SEPTIN9: variants seen among roughly 807,000 people sequenced by gnomAD.
The protein encoded by SEPTIN9 is septin 9.
In SEPTIN9, 13 loss-of-function variants were observed where a neutral mutation model predicts 56.6. That is an observed-to-expected ratio of 0.23 (90% CI 0.15 to 0.37). The LOEUF (loss-of-function observed/expected upper bound fraction) is 0.37, where lower values mean the gene tolerates loss of function less well. Among genes scored for constraint, SEPTIN9 ranks in the 10% least tolerant of loss-of-function variants. The probability of loss-of-function intolerance (pLI) is 1.00; values close to 1 mark genes in which losing one functional copy is unlikely to be tolerated. For synonymous variants in SEPTIN9, 332 were observed against 334.1 expected (o/e 0.99, Z 0.07); for missense variants, 650 against 823.1 (o/e 0.79, Z 2.57).
intron 2 of SEPTIN9, among the ~76,000 whole-genome samples, chr17:77,307,795 G>A (rs1281536389): frequency 1.3e-5 from 2 of 152,230 alleles, no homozygotes; most frequent in African/African-American, 4.8e-5. Context: ...CAGGACACGA[G>A]TTACAGCTTA....
At chr17:77,420,683 C>G (rs947837322) in intron 3 of SEPTIN9, among the ~76,000 whole-genome samples, 1 of 152,180 alleles carries the variant, frequency 6.6e-6, no homozygotes, top group South Asian at 2.1e-4. Context: ...GTCTCCCACC[C>G]TCTCCCCTGC....
At chr17:77,411,307 A>G (rs187024483) in intron 3 of SEPTIN9, among the ~76,000 whole-genome samples, 18 of 152,320 alleles carry the variant, frequency 1.2e-4, no homozygotes, top group Non-Finnish European at 7.3e-5. Context: ...AAGAACACAA[A>G]GGAAATCAGA....
At chr17:77,458,940 G>T (rs1219322935) in intron 3 of SEPTIN9, among the ~76,000 whole-genome samples, 1 of 152,252 alleles carries the variant, frequency 6.6e-6, no homozygotes, top group East Asian at 1.9e-4. Flanking sequence ...GGAGAGATGG[G>T]AGTGAGAAAA....
intron 1 of SEPTIN9, among the ~76,000 whole-genome samples, chr17:77,306,238 G>T (rs1358431394): frequency 1.3e-5 from 2 of 152,138 alleles, no homozygotes; most frequent in Non-Finnish European, 2.9e-5. Flanking sequence ...GAGGTGTCTG[G>T]GTCTGCCTGA....
At chr17:77,290,915 T>C (rs921226136) in intron 1 of SEPTIN9, among the ~76,000 whole-genome samples, 1 of 151,368 alleles carries the variant, frequency 6.6e-6, no homozygotes, top group Non-Finnish European at 1.5e-5. Context: ...TTGCCCAGGT[T>C]GGAGTGCAGT....
chr17:77,443,430 C>T (rs1002228228), intron 3 of SEPTIN9, among the ~76,000 whole-genome samples: 6 of 152,266 alleles, frequency 3.9e-5, no homozygotes, highest in African/African-American at 1.4e-4. Context: ...TAATAAGTCA[C>T]ATTTTAAGTT....
At chr17:77,289,597 G>A (rs1052895451) in intron 1 of SEPTIN9, among the ~76,000 whole-genome samples, 8 of 151,290 alleles carry the variant, frequency 5.3e-5, no homozygotes, top group Middle Eastern at 3.2e-3. Flanking sequence ...TAGTACAGAC[G>A]GGGTGTCCCC....
intron 2 of SEPTIN9, among the ~76,000 whole-genome samples, chr17:77,325,562 G>A (rs1350399282): frequency 6.6e-6 from 1 of 152,124 alleles, no homozygotes; most frequent in Non-Finnish European, 1.5e-5. Flanking sequence ...GGGCCAGCCC[G>A]GGGCGTCCTG....
At chr17:77,483,924 C>T (rs1297740761) in intron 4 of SEPTIN9, 3 of 152,350 alleles carry the variant, frequency 2.0e-5, no homozygotes, top group Non-Finnish European at 4.4e-5. Context: ...GCAGCTGTGC[C>T]CACCTGCAGA....
At position 77,429,415 on chromosome 17, in the gene SEPTIN9, G is replaced by A. The variant is rs549050739; in HGVS notation, c.721+26712G>A. On this transcript the variant is annotated intron_variant, in intron 3 of 11. Transcript: ENST00000427177. This position sits in a 1 kb window ranked among gnomAD's most constrained non-coding sequence, Gnocchi z 5.2. ...CGTCCGCCTGGGCTACAGCGTGCTC[G>A]CCGATTGCATTTGGGGAGGGACTGA... The A allele has an allele frequency of 1.5e-5, 6 of 402,458 alleles. No homozygotes were observed. The highest frequency in any genetic ancestry group is 3.7e-5 in the South Asian group (2 of 54,630). 24.9% of individuals were successfully genotyped at this position (402,458 alleles called of 1,614,324 possible). A position where few individuals can be genotyped will look rare whatever the true frequency, so the allele number is the denominator to read the frequency against.
chr17:77,485,285 T>G (rs1454209890), intron 4 of SEPTIN9, among the ~76,000 whole-genome samples: 1 of 115,286 alleles, frequency 8.7e-6, no homozygotes, highest in Non-Finnish European at 1.8e-5. Flanking sequence ...GTGATGGTGG[T>G]GTTGATGGGG....
intron 3 of SEPTIN9, among the ~76,000 whole-genome samples, chr17:77,478,880 A>G (rs537517015): frequency 3.9e-5 from 6 of 152,328 alleles, no homozygotes; most frequent in African/African-American, 1.4e-4. Context: ...TACCTGCAAC[A>G]GCAAGGGTGA....
chr17:77,334,565 G>A (rs2033473622), intron 2 of SEPTIN9, among the ~76,000 whole-genome samples: 1 of 151,378 alleles, frequency 6.6e-6, no homozygotes. Context: ...TATTTAATGA[G>A]CAAGAGTATT....
chr17:77,356,684 C>CTT (rs2034262002), intron 2 of SEPTIN9, among the ~76,000 whole-genome samples: 1 of 43,000 alleles, frequency 2.3e-5, no homozygotes, highest in Admixed American at 2.5e-4. Context: ...CTCCCCTCCC[C>CTT]CCCCACATGC....
intron 11 of SEPTIN9, chr17:77,497,586 A>C: frequency 1.6e-6 from 1 of 608,652 alleles, no homozygotes. Context: ...AACCCCTGCG[A>C]AGTTGGCTGG....
chr17:77,322,376 G>C (rs994652507), intron 2 of SEPTIN9, among the ~76,000 whole-genome samples: 1 of 152,258 alleles, frequency 6.6e-6, no homozygotes, highest in African/African-American at 2.4e-5. Flanking sequence ...CTCCCCTCGG[G>C]CTGTGCCTTG....
At chr17:77,302,101 T>A (rs1356201630) in intron 1 of SEPTIN9, among the ~76,000 whole-genome samples, 1 of 152,226 alleles carries the variant, frequency 6.6e-6, no homozygotes, top group Non-Finnish European at 1.5e-5. Context: ...AAATAGTGTC[T>A]GCTCAGATTC....
Position 77,434,238 on chromosome 17 carries a change from G to A in SEPTIN9, c.721+31535G>A, listed in dbSNP as rs1036784238. Reference sequence around the variant, plus strand: ...GGATACGGTGGCAGGACTGGCTGGGGTTCTGGCTCCAGGCCCAGCCCCAGC... The same window carrying A: ...GGATACGGTGGCAGGACTGGCTGGGATTCTGGCTCCAGGCCCAGCCCCAGC... On this transcript the variant is annotated intron_variant, in intron 3 of 11. Transcript: ENST00000427177. The surrounding 1 kb of genome is among the most constrained non-coding windows in gnomAD (Gnocchi z 5.0). Among the ~76,000 whole-genome samples, 5 of 152,058 alleles carry A rather than the reference G, an allele frequency of 3.3e-5. No individual in the cohort carries two copies. The highest frequency in any genetic ancestry group is 1.2e-4 in the African/African-American group (5 of 41,404).
At chr17:77,290,827 A>AT in intron 1 of SEPTIN9, among the ~76,000 whole-genome samples, 1 of 150,156 alleles carries the variant, frequency 6.7e-6, no homozygotes, top group South Asian at 2.1e-4. Context: ...AAATAAATAA[A>AT]TAAATAAATA....
Sources: allele counts gnomAD v4.1 joint callset (sites outside exome capture counted in the v4.1 genomes callset), GRCh38; gene constraint gnomAD v4.1.1; non-coding constraint Gnocchi (gnomAD v3.1); transcripts MANE v1.5; gene names NCBI Gene and HGNC (gene_info 2026-07-23, HGNC 2026-07-21).